The following CCDC186 variants were observed in gnomAD, a reference collection of about 807,000 sequenced individuals.
The protein encoded by CCDC186 is coiled-coil domain containing 186, also known as coiled-coil domain-containing protein 186.
In CCDC186, 49 loss-of-function variants were observed where a neutral mutation model predicts 113.7. The observed-to-expected ratio is 0.43, with a 90% CI of 0.34 to 0.55. The LOEUF (loss-of-function observed/expected upper bound fraction) is 0.55. Among genes scored for constraint, CCDC186 ranks in the 20% least tolerant of loss-of-function variants. The pLI is 0.02. For synonymous variants in CCDC186, 355 were observed against 345.8 expected, an observed-to-expected ratio of 1.03 and a Z score of -0.30; for missense variants, 890 against 1,011.1, an observed-to-expected ratio of 0.88 and a Z score of 1.62.
chr10:114,162,742 G>T lies in CCDC186; in HGVS notation c.527C>A (p.Ala176Glu). Reference protein sequence around the residue: ...IESELLSTEFAEHRVPNGMNK... With the variant: ...IESELLSTEFEEHRVPNGMNK... ...CATTCCATTTGGTACTCGATGTTCT[G>T]CAAACTCCGTAGATAAGAGCTCAGA... Residue 176 changes from alanine to glutamate, a missense_variant, in exon 2 of 16, where the codon GCA (alanine) becomes GAA (glutamate). Coordinates refer to ENST00000369287, the MANE Select transcript of CCDC186 (RefSeq NM_018017.4). 1.2e-6 allele frequency: 2 copies of T among 1,613,838 alleles called. No homozygotes were observed. The highest frequency in any genetic ancestry group is 1.7e-6 in the Non-Finnish European group (2 of 1,179,886).
chr10:114,139,492 G>A (rs1056817889), intron 6 of CCDC186, among the ~76,000 whole-genome samples: 6 of 151,346 alleles, frequency 4.0e-5, no homozygotes, highest in African/African-American at 1.2e-4. Context: ...GACCCTGGGA[G>A]GCAGAGGTTG....
intron 6 of CCDC186, among the ~76,000 whole-genome samples, chr10:114,143,308 T>C (rs2031535612): frequency 6.6e-6 from 1 of 152,218 alleles, no homozygotes; most frequent in African/African-American, 2.4e-5. Context: ...GCCTGTCTCT[T>C]AGCACTCTGG....
Position 114,157,565 on chromosome 10 carries a change from T to C in CCDC186, c.748A>G (p.Thr250Ala). The C allele has an allele frequency of 1.2e-6, 2 of 1,603,940 alleles. No homozygotes were observed. The highest frequency in any genetic ancestry group is 1.7e-6 in the Non-Finnish European group (2 of 1,177,498). The change falls in exon 3 of 16, where the codon ACA becomes GCA. Residue 250 changes from threonine (T) to alanine (A), a missense_variant. Transcript: ENST00000369287. ...TTTGTCTTTTTTACCTGTTTAATTG[T>C]GTTCATATGCTGCTTCTCAGTTTCT... ...RTETEKQHMN[T>A]IKQLESRIEE...
Position 114,132,048 on chromosome 10 carries a change from T to C in CCDC186, c.1792A>G (p.Lys598Glu), listed in dbSNP as rs1456938172. 6.2e-7 allele frequency: 1 copy of C among 1,613,588 alleles called. No individual in the cohort carries two copies. The highest frequency in any genetic ancestry group is 1.7e-5 in the Admixed American group (1 of 60,014). The change falls in exon 11 of 16, where the codon AAG (lysine) becomes GAG (glutamate). Residue 598 changes from lysine (K) to glutamate (E), a missense_variant. Physicochemically the swap from Lys to Glu is moderately conservative, Grantham distance 56. Coordinates refer to ENST00000369287, the MANE Select transcript of CCDC186 (RefSeq NM_018017.4). ...LLLFTERLTS[K>E]NAQLQSESNS... ...GATTCAGACTGAAGCTGTGCATTCT[T>C]ACTAGTGAGCCTTTCTGTAAACAGC... is the stretch of plus-strand genomic sequence containing the variant.
At chr10:114,136,355 G>A (rs1564907657) in intron 7 of CCDC186, 109 bp from the exon 8 acceptor site, 4 of 692,984 alleles carry the variant, frequency 5.8e-6, no homozygotes, top group Admixed American at 2.8e-5. Flanking sequence ...TTTCTGTTAC[G>A]TTAGGATAAG....
At chr10:114,172,894 C>T (rs1237567031) in intron 1 of CCDC186, among the ~76,000 whole-genome samples, 2 of 152,110 alleles carry the variant, frequency 1.3e-5, no homozygotes, top group African/African-American at 4.8e-5. Flanking sequence ...GAACCTGAAT[C>T]CTTCCCACGA....
chr10:114,127,664 C>T lies in CCDC186; in HGVS notation c.2190G>A (p.Leu730=). Residue 730 remains leucine (L), a synonymous_variant, in exon 14 of 16, where the codon CTG becomes CTA. Transcript: ENST00000369287. The part of the protein sequence containing the change: ...MGSRSSSSGS[L]NARSSAEDRS... ...GATCTTCTGCACTGCTTCGAGCATTCAGGGACCCTGAAGACAAAAAAAATT... is the reference window on the plus strand; with the variant it reads ...GATCTTCTGCACTGCTTCGAGCATTTAGGGACCCTGAAGACAAAAAAAATT... 6.2e-7 allele frequency: 1 copy of T among 1,613,358 alleles called. No homozygotes were observed. The highest frequency in any genetic ancestry group is 1.7e-5 in the Admixed American group (1 of 59,862).
At chr10:114,133,547 G>A (rs1401447925) in intron 10 of CCDC186, among the ~76,000 whole-genome samples, 4 of 152,112 alleles carry the variant, frequency 2.6e-5, no homozygotes, top group Non-Finnish European at 5.9e-5. Context: ...GAACAAGAGG[G>A]CATTATGAGA....
intron 3 of CCDC186, among the ~76,000 whole-genome samples, chr10:114,155,965 C>A (rs1283111182): frequency 6.6e-6 from 1 of 150,916 alleles, no homozygotes; most frequent in East Asian, 1.9e-4. Flanking sequence ...AAGCTTTTCT[C>A]TTTAAAAACA....
intron 11 of CCDC186, among the ~76,000 whole-genome samples, chr10:114,131,687 A>G (rs2031092728): frequency 6.6e-6 from 1 of 152,190 alleles, no homozygotes; most frequent in Admixed American, 6.5e-5. Flanking sequence ...CTAGTCAGGA[A>G]GGACACAAAC....
Position 114,132,039 on chromosome 10 carries a change from G to C in CCDC186, c.1801C>G (p.Gln601Glu). 2 of 1,613,440 alleles carry C rather than the reference G, an allele frequency of 1.2e-6. No homozygotes were observed. Among genetic ancestry groups the C allele is most frequent in the South Asian group, 2.2e-5 (2 of 91,066 alleles). Residue 601 changes from glutamine (Q) to glutamate (E), a missense_variant, in exon 11 of 16, where the codon CAG becomes GAG. Gln to Glu is a conservative substitution (Grantham distance 29, BLOSUM62 2). Coordinates refer to ENST00000369287, the MANE Select transcript of CCDC186 (RefSeq NM_018017.4). ...FTERLTSKNA[Q>E]LQSESNSLQS... ...AAAGAATTGGATTCAGACTGAAGCT[G>C]TGCATTCTTACTAGTGAGCCTTTCT...
At position 114,127,745 on chromosome 10, in the gene CCDC186, C is replaced by A. The variant is rs141211003; in HGVS notation, c.2183-74G>T. The A allele has an allele frequency of 2.3e-3, 2,947 of 1,255,480 alleles. 10 individuals are homozygous for A. The highest frequency in any genetic ancestry group is 3.0e-3 in the Non-Finnish European group (2,641 of 892,370). The allele number at this position is 1,255,480 out of a possible 1,614,324, so 77.8% of individuals were successfully genotyped here. On this transcript the variant is annotated intron_variant, in intron 13 of 15. Coordinates refer to ENST00000369287, the MANE Select transcript of CCDC186 (RefSeq NM_018017.4). ...CCTCTCATCTCATATATTACTTATT[C>A]CAGCATCATTTCAAATATTCACTCT...
chr10:114,127,777 G>T (rs191037622), intron 13 of CCDC186, 106 bp from the exon 14 acceptor site: 1 of 1,050,410 alleles, frequency 9.5e-7, no homozygotes, highest in African/African-American at 1.6e-5. Flanking sequence ...CTCTAACAGA[G>T]TTGGACACAG....
At chr10:114,138,596 T>C (rs1407674959) in intron 6 of CCDC186, among the ~76,000 whole-genome samples, 1 of 152,104 alleles carries the variant, frequency 6.6e-6, no homozygotes, top group Non-Finnish European at 1.5e-5. Context: ...TTCCTAACCA[T>C]TCTCCTAAGA....
chr10:114,149,838 AAGGCAGGCAGGC>A (rs1170943023), intron 4 of CCDC186, among the ~76,000 whole-genome samples: 14 of 107,726 alleles, frequency 1.3e-4, no homozygotes, highest in Non-Finnish European at 2.7e-4. Flanking sequence ...GGAAGGCAGG[AAGGCAGGCAGGC>A]AGGCAGGAAG....
Position 114,134,770 on chromosome 10 carries a change from T to C in CCDC186, c.1655+143A>G, listed in dbSNP as rs925383325. 22 of 853,608 alleles carry C rather than the reference T, an allele frequency of 2.6e-5. No homozygotes were observed. In the African/African-American group the frequency reaches 3.3e-4, roughly 13 times the overall value. The allele number at this position is 853,608 out of a possible 1,614,324, so 52.9% of individuals were successfully genotyped here. On this transcript the variant is annotated intron_variant, in intron 10 of 15. Coordinates refer to ENST00000369287, the MANE Select transcript of CCDC186 (RefSeq NM_018017.4). ...AACTCAAAAGATAATCCAAAGAAGT[T>C]CAGATAAAGAGAAAATATTTAAAAA... is the stretch of plus-strand genomic sequence containing the variant.
At chr10:114,164,065 A>AGTCTGTGTGTGT (rs2032254896) in intron 1 of CCDC186, among the ~76,000 whole-genome samples, 1 of 107,032 alleles carries the variant, frequency 9.3e-6, no homozygotes, top group Non-Finnish European at 1.8e-5. Context: ...ACCAAGTTAG[A>AGTCTGTGTGTGT]GTGTGTGTGT....
Position 114,122,004 on chromosome 10 carries a change from G to T in CCDC186, c.*3139C>A, listed in dbSNP as rs1471682164. On this transcript the variant is annotated 3_prime_UTR_variant, in exon 16 of 16. Coordinates refer to ENST00000369287, the MANE Select transcript of CCDC186 (RefSeq NM_018017.4). ...TTTTTTAATCTTTTGTACACATGGG[G>T]TTTTGCCATGTTGCCCTGGCTGGTC... 6.6e-6 allele frequency: 1 copy of T among 152,174 alleles called. No individual in the cohort carries two copies. The highest frequency in any genetic ancestry group is 2.4e-5 in the African/African-American group (1 of 41,358). The allele number at this position is 152,174 out of a possible 1,614,324, so 9.4% of individuals were successfully genotyped here.
intron 10 of CCDC186, among the ~76,000 whole-genome samples, chr10:114,133,545 G>A (rs1362148958): frequency 6.6e-6 from 1 of 152,126 alleles, no homozygotes. Flanking sequence ...TAGAACAAGA[G>A]GGCATTATGA....
Sources: gnomAD v4.1 joint callset for allele counts (sites outside exome capture counted in the v4.1 genomes callset) on GRCh38, gnomAD v4.1.1 for gene constraint, MANE v1.5 for transcripts, NCBI Gene and HGNC (gene_info 2026-07-23, HGNC 2026-07-21) for gene names.